ACTR3: variants seen among roughly 807,000 people sequenced by gnomAD.
The protein encoded by ACTR3 is actin-related protein 3.
ACTR3 carries 12 observed loss-of-function variants against 56.8 expected under a neutral mutation model. The ratio of observed to expected loss-of-function variants is 0.21; its 90% confidence interval spans 0.14 to 0.34. The LOEUF is 0.34. Ranked by LOEUF, ACTR3 falls within the 10% of genes least tolerant of loss-of-function variation. The pLI is 1.00. For synonymous variants in ACTR3, 162 were observed against 167.4 expected (o/e 0.97, Z 0.25); for missense variants, 282 against 512.5 (o/e 0.55, Z 4.34).
intron 1 of ACTR3, among the ~76,000 whole-genome samples, chr2:113,910,311 G>A (rs1679283458): frequency 6.6e-6 from 1 of 152,148 alleles, no homozygotes; most frequent in Non-Finnish European, 1.5e-5. Context: ...AGGGTGGTAC[G>A]CTCGAGAGGG....
At chr2:113,912,440 T>C (rs1679324855) in intron 1 of ACTR3, among the ~76,000 whole-genome samples, 1 of 152,184 alleles carries the variant, frequency 6.6e-6, no homozygotes, top group Non-Finnish European at 1.5e-5. Context: ...TTATTTATGT[T>C]GTTATTTTGT....
At chr2:113,896,438 T>A (rs1294199331) in intron 1 of ACTR3, among the ~76,000 whole-genome samples, 1 of 152,232 alleles carries the variant, frequency 6.6e-6, no homozygotes, top group African/African-American at 2.4e-5. Flanking sequence ...GGCAGTTGAT[T>A]CCAGTGGATT....
chr2:113,918,086 A>G (rs1204406560), intron 3 of ACTR3, among the ~76,000 whole-genome samples: 1 of 152,200 alleles, frequency 6.6e-6, no homozygotes, highest in Non-Finnish European at 1.5e-5. Context: ...AGCATGGAGA[A>G]CGAGGTGGAA....
chr2:113,942,885 A>C (rs1383909020), intron 8 of ACTR3, among the ~76,000 whole-genome samples: 1 of 152,232 alleles, frequency 6.6e-6, no homozygotes, highest in East Asian at 1.9e-4. Context: ...TTCTTCTGGT[A>C]ACTTAGTATC....
At chr2:113,953,973 TTTTTTGTC>T (rs1284436844) in intron 10 of ACTR3, 1 of 152,198 alleles carries the variant, frequency 6.6e-6, no homozygotes, top group African/African-American at 2.4e-5. Context: ...ATACTCAATG[TTTTTTGTC>T]TTTCATGAAT....
chr2:113,926,079 A>G (rs956250450), intron 3 of ACTR3, among the ~76,000 whole-genome samples: 4 of 152,212 alleles, frequency 2.6e-5, no homozygotes, highest in African/African-American at 4.8e-5. Context: ...ACGTTATTTC[A>G]CTGCTGAGTA....
At chr2:113,939,033 T>TC (rs1679878012) in intron 6 of ACTR3, among the ~76,000 whole-genome samples, 1 of 152,008 alleles carries the variant, frequency 6.6e-6, no homozygotes, top group African/African-American at 2.4e-5. Flanking sequence ...TTCTTTCTTT[T>TC]TTTTTTTTGA....
chr2:113,915,025 G>T (rs1046254927), intron 2 of ACTR3, among the ~76,000 whole-genome samples: 2 of 152,130 alleles, frequency 1.3e-5, no homozygotes, highest in Non-Finnish European at 2.9e-5. Context: ...TAAGAATTCG[G>T]TGATACATGT....
intron 10 of ACTR3, 166 bp from the exon 11 acceptor site, chr2:113,955,457 C>T: frequency 1.8e-6 from 1 of 547,216 alleles, no homozygotes. Context: ...ACAGTGTTCC[C>T]AACCCCTTTC....
intron 1 of ACTR3, among the ~76,000 whole-genome samples, chr2:113,895,836 T>A (rs1041134187): frequency 6.6e-6 from 1 of 152,304 alleles, no homozygotes; most frequent in East Asian, 1.9e-4. Context: ...ATCTGTAATT[T>A]GGAGATGATA....
In ACTR3 at chr2:113,940,262, T is replaced by TA. The variant is rs1679900382; in HGVS notation, c.684+164dup. The TA allele has an allele frequency of 7.7e-5, 41 of 531,306 alleles. No individual in the cohort carries two copies. The East Asian group carries it at 1.5e-3, about 19-fold the overall frequency. 32.9% of individuals were successfully genotyped at this position (531,306 alleles called of 1,614,324 possible). A position where few individuals can be genotyped will look rare whatever the true frequency, so the allele number is the denominator to read the frequency against. Reference sequence around the variant, plus strand: ...ATATTTACATTTTCTTTGTGTTTCTTAAAAGAAAATTATTACAGCAGTTTG... The same window carrying TA: ...ATATTTACATTTTCTTTGTGTTTCTTAAAAAGAAAATTATTACAGCAGTTTG... On this transcript the variant is annotated intron_variant, in intron 7 of 11. Transcript: ENST00000263238.
At chr2:113,917,112 A>G in intron 3 of ACTR3, 104 bp downstream of exon 3, 2 of 943,018 alleles carry the variant, frequency 2.1e-6, no homozygotes, top group Non-Finnish European at 2.8e-6. Flanking sequence ...AATATCCTCA[A>G]ACCTCTTCTC....
At position 113,934,290 on chromosome 2, in the gene ACTR3, C is replaced by T. The variant is rs1479355284; in HGVS notation, c.444C>T (p.Ala148=). Residue 148 remains alanine (A), a synonymous_variant, in exon 6 of 12, where the codon GCC becomes GCT. Transcript: ENST00000263238. The part of the protein sequence containing the change: ...GLYIAVQAVL[A]LAASWTSRQV... ...TCTTTGTGCTCAAGGCTGTTCTTGCCTTAGCTGCATCTTGGACCTCAAGAC... is the reference window on the plus strand; with the variant it reads ...TCTTTGTGCTCAAGGCTGTTCTTGCTTTAGCTGCATCTTGGACCTCAAGAC... 3.8e-6 allele frequency: 6 copies of T among 1,594,324 alleles called. No individual in the cohort carries two copies. Among genetic ancestry groups the T allele is most frequent in the South Asian group, 3.5e-5 (3 of 86,852 alleles).
intron 8 of ACTR3, among the ~76,000 whole-genome samples, chr2:113,950,401 T>A (rs1680098802): frequency 1.3e-5 from 2 of 152,228 alleles, no homozygotes; most frequent in African/African-American, 4.8e-5. Flanking sequence ...TTGTTTATAG[T>A]ATGAGAGCTG....
intron 6 of ACTR3, among the ~76,000 whole-genome samples, chr2:113,935,504 CA>C (rs1679810172): frequency 6.6e-6 from 1 of 152,196 alleles, no homozygotes; most frequent in African/African-American, 2.4e-5. Flanking sequence ...CGAACATTTT[CA>C]AGATTCATCC....
At chr2:113,944,583 C>CT (rs1553497526) in intron 8 of ACTR3, among the ~76,000 whole-genome samples, 1 of 37,774 alleles carries the variant, frequency 2.6e-5, no homozygotes, top group Non-Finnish European at 5.4e-5. Flanking sequence ...CCCGTCTCTA[C>CT]TAAAAAAAAA....
At chr2:113,931,482 T>TC in intron 5 of ACTR3, 86 bp downstream of exon 5, 1 of 818,140 alleles carries the variant, frequency 1.2e-6, no homozygotes, top group Non-Finnish European at 1.8e-6. Context: ...TTTTTTTTTT[T>TC]TCTGCAAAGG....
At position 113,890,328 on chromosome 2, in the gene ACTR3, G is replaced by A. The variant is rs1225403410; in HGVS notation, c.44+5G>A. 1.3e-6 allele frequency: 2 copies of A among 1,531,898 alleles called. No individual in the cohort carries two copies. Among genetic ancestry groups the A allele is most frequent in the South Asian group, 1.2e-5 (1 of 83,308 alleles). 94.9% of individuals were successfully genotyped at this position (1,531,898 alleles called of 1,614,324 possible). On this transcript the variant is annotated splice_donor_5th_base_variant and intron_variant, in intron 1 of 11. Coordinates refer to ENST00000263238, the MANE Select transcript of ACTR3 (RefSeq NM_005721.5). ...TGTGGTGGACTGTGGCACGGGGTAA[G>A]GGGGCTTACGGGCGGGGGTGGGGAA...
At chr2:113,905,987 G>C (rs960841680) in intron 1 of ACTR3, among the ~76,000 whole-genome samples, 1 of 152,186 alleles carries the variant, frequency 6.6e-6, no homozygotes. Flanking sequence ...TCAAGTTCCT[G>C]CTTTCAGTTC....
Sources: allele counts gnomAD v4.1 joint callset (sites outside exome capture counted in the v4.1 genomes callset), GRCh38; gene constraint gnomAD v4.1.1; transcripts MANE v1.5; gene names NCBI Gene and HGNC (gene_info 2026-07-23, HGNC 2026-07-21).